The following IRX6 variants were observed in gnomAD, a reference collection of about 807,000 sequenced individuals.
The protein encoded by IRX6 is iroquois-class homeodomain protein IRX-6.
A neutral mutation model predicts 47.7 loss-of-function variants in IRX6; 46 were observed. The observed-to-expected ratio is 0.96, with a 90% CI of 0.76 to 1.23. The LOEUF is 1.23. IRX6 is among the 50% of genes most tolerant of loss of function. IRX6 has a pLI of 0.00. For synonymous variants in IRX6, 265 were observed against 246.2 expected (o/e 1.08, Z -0.72); for missense variants, 722 against 588.0 (o/e 1.23, Z -2.36).
At chr16:55,326,060 G>C (rs1428680243) in intron 1 of IRX6, 4 of 467,654 alleles carry the variant, frequency 8.6e-6, no homozygotes, top group Non-Finnish European at 1.5e-5. Context: ...GTTTCAAAAT[G>C]TTCACATTTT....
rs750550246 is a variant in IRX6 at position 55,329,017 on chromosome 16, G to A, written c.1039G>A (p.Glu347Lys). 1.5e-5 allele frequency: 24 copies of A among 1,613,802 alleles called. No homozygotes were observed. The highest frequency in any genetic ancestry group is 1.9e-5 in the Non-Finnish European group (23 of 1,180,046). ...PRLTMHYPCL[E>K]KPRIWSLAHT... is the part of the protein sequence containing the mutation. ...GTTGACCATGCACTACCCATGCTTG[G>A]AGAAACCGCGCATCTGGTCTCTGGC... The change falls in exon 5 of 6, where the codon GAG (glutamate) becomes AAG (lysine). Residue 347 changes from glutamate (E) to lysine (K), a missense_variant. Transcript: ENST00000290552.
At chr16:55,325,974 C>T (rs1960513864) in intron 1 of IRX6, 1 of 241,602 alleles carries the variant, frequency 4.1e-6, no homozygotes. Context: ...TCTAAGGCCA[C>T]CTTCTAGCTC....
At position 55,330,411 on chromosome 16, in the gene IRX6, A is replaced by C; in HGVS notation, c.*106A>C. 8.9e-7 allele frequency: 1 copy of C among 1,127,178 alleles called. No homozygotes were observed. Among genetic ancestry groups the C allele is most frequent in the South Asian group, 1.2e-5 (1 of 80,418 alleles). 69.8% of individuals were successfully genotyped at this position (1,127,178 alleles called of 1,614,324 possible). A position where few individuals can be genotyped will look rare whatever the true frequency, so the allele number is the denominator to read the frequency against. ...ACCTTGCCAGGGACCAGGAGCTCTC[A>C]CTTTGCCTAAGAGACAGACACACAG... On this transcript the variant is annotated 3_prime_UTR_variant, in exon 6 of 6. Transcript: ENST00000290552.
chr16:55,327,305 T>C lies in IRX6; in HGVS notation c.313T>C (p.Tyr105His), dbSNP rs769126997. ...TTTCCTCTCCCTCTAGAATCCACAG[T>C]ATGAATTTAAGGAGGCTGCAGGGAG... ...PSLYGALNPQ[Y>H]EFKEAAGSFT... Residue 105 changes from tyrosine (Y) to histidine (H), a missense_variant, in exon 3 of 6, where the codon TAT (tyrosine) becomes CAT (histidine). Transcript: ENST00000290552. The C allele has an allele frequency of 6.2e-7, 1 of 1,612,568 alleles. No individual in the cohort carries two copies. Among genetic ancestry groups the C allele is most frequent in the Admixed American group, 1.7e-5 (1 of 60,000 alleles).
chr16:55,326,952 CAGGGGGCGG>C (rs1320105418), intron 2 of IRX6: 1 of 49,278 alleles, frequency 2.0e-5, no homozygotes, highest in African/African-American at 2.1e-4. Context: ...TGTTGTGGGG[CAGGGGGCGG>C]GGGGTGGGGG....
intron 1 of IRX6, chr16:55,326,047 C>T (rs562251396): frequency 1.1e-5 from 5 of 435,414 alleles, no homozygotes; most frequent in African/African-American, 1.0e-4. Context: ...GTCTTTAATT[C>T]CGGTTTCAAA....
intron 4 of IRX6, among the ~76,000 whole-genome samples, chr16:55,328,321 T>C (rs1416419830): frequency 6.6e-6 from 1 of 152,122 alleles, no homozygotes; most frequent in African/African-American, 2.4e-5. Context: ...TCAGTAAATA[T>C]TTGCTGAATT....
At chr16:55,328,005 C>T (rs1191287532) in intron 4 of IRX6, 112 bp downstream of exon 4, 2 of 982,900 alleles carry the variant, frequency 2.0e-6, no homozygotes, top group Non-Finnish European at 3.0e-6. Flanking sequence ...TCAGACTTAC[C>T]CTTGCACTTC....
chr16:55,329,870 C>T (rs1473908229), intron 5 of IRX6, among the ~76,000 whole-genome samples: 2 of 152,216 alleles, frequency 1.3e-5, no homozygotes, highest in Admixed American at 6.5e-5. Flanking sequence ...CATGCCCCTG[C>T]GGTCAGCAGC....
chr16:55,326,691 T>A, intron 2 of IRX6, 98 bp downstream of exon 2: 1 of 1,301,136 alleles, frequency 7.7e-7, no homozygotes, highest in Non-Finnish European at 1.0e-6. Flanking sequence ...GGAAAGGAAA[T>A]GGTTAGGACT....
At chr16:55,326,704 G>A (rs1960534750) in intron 2 of IRX6, 111 bp downstream of exon 2, 2 of 1,176,002 alleles carry the variant, frequency 1.7e-6, no homozygotes, top group Non-Finnish European at 2.3e-6. Flanking sequence ...TTAGGACTGT[G>A]TATAAGGAGG....
chr16:55,329,304 A>T lies in IRX6; in HGVS notation c.1326A>T (p.Gly442=). ...EPVVQCQYPS[G]AEAG ...TAGTGCAGTGCCAGTACCCGTCTGGAGCAGAAGGTAGTGGGCCCCCAGCGG... is the reference window on the plus strand; with the variant it reads ...TAGTGCAGTGCCAGTACCCGTCTGGTGCAGAAGGTAGTGGGCCCCCAGCGG... Residue 442 remains glycine, a synonymous_variant, in exon 5 of 6, where the codon GGA becomes GGT. Transcript: ENST00000290552. 6.3e-7 allele frequency: 1 copy of T among 1,596,682 alleles called. No homozygotes were observed.
At chr16:55,325,227 GT>G in intron 1 of IRX6, 91 bp downstream of exon 1, 1 of 1,297,902 alleles carries the variant, frequency 7.7e-7, no homozygotes, top group South Asian at 1.2e-5. Context: ...CTCCTCTTGT[GT>G]TCTGGGGGAA....
In IRX6 at chr16:55,326,258, A is replaced by G. The variant is rs151114329; in HGVS notation, c.46-78A>G. ...ATCTGATTTTCTCTTCTTTGTTTCTAGCTCCCTTCAGCGGGAGCGGGGGCG... is the reference window on the plus strand; with the variant it reads ...ATCTGATTTTCTCTTCTTTGTTTCTGGCTCCCTTCAGCGGGAGCGGGGGCG... On this transcript the variant is annotated intron_variant, in intron 1 of 5. Coordinates refer to ENST00000290552, the MANE Select transcript of IRX6 (RefSeq NM_024335.3). 2,867 of 1,208,228 alleles carry G rather than the reference A, an allele frequency of 2.4e-3. 46 individuals are homozygous for G. The African/African-American group carries it at 0.041, about 17-fold the overall frequency. The allele number at this position is 1,208,228 out of a possible 1,614,324, so 74.8% of individuals were successfully genotyped here. A position where few individuals can be genotyped will look rare whatever the true frequency, so the allele number is the denominator to read the frequency against.
At chr16:55,326,137 A>AAATGCGT (rs2067217) in intron 1 of IRX6, 199 bp from the exon 2 acceptor site, 444,980 of 594,864 alleles carry the variant, frequency 0.75, 166,929 homozygotes, top group East Asian at 0.84. Flanking sequence ...AGTTTGGTTA[A>AAATGCGT]TTTATAATTC....
rs1567338540 is a variant in IRX6 at position 55,325,535 on chromosome 16, GA to G, written c.45+400del. Among the ~76,000 whole-genome samples, 15 of 55,882 alleles carry G rather than the reference GA, an allele frequency of 2.7e-4. 6 individuals are homozygous for G. The highest frequency in any genetic ancestry group is 1.1e-3 in the East Asian group (1 of 942). 36.7% of individuals were successfully genotyped at this position (55,882 alleles called of 152,430 possible). A position where few individuals can be genotyped will look rare whatever the true frequency, so the allele number is the denominator to read the frequency against. On this transcript the variant is annotated intron_variant, in intron 1 of 5. Transcript: ENST00000290552. Reference sequence around the variant, plus strand: ...GGAAGGAAGGAAGGAAGGAAGGAGAGAGAGAGAGAGAGAGAGAGAGAGAGAG... The same window carrying G: ...GGAAGGAAGGAAGGAAGGAAGGAGAGGAGAGAGAGAGAGAGAGAGAGAGAG...
chr16:55,328,292 C>T (rs1960573007), intron 4 of IRX6, among the ~76,000 whole-genome samples: 1 of 152,180 alleles, frequency 6.6e-6, no homozygotes, highest in Admixed American at 6.5e-5. Context: ...ACACCTAATA[C>T]CTAAATGATG....
chr16:55,328,123 C>G (rs1468145502), intron 4 of IRX6, among the ~76,000 whole-genome samples: 1 of 152,098 alleles, frequency 6.6e-6, no homozygotes, highest in Non-Finnish European at 1.5e-5. Flanking sequence ...TTCTTCCTGC[C>G]TCACCCAAGC....
chr16:55,326,681 G>T, intron 2 of IRX6, 88 bp downstream of exon 2: 1 of 1,374,118 alleles, frequency 7.3e-7, no homozygotes, highest in Non-Finnish European at 9.7e-7. Context: ...CACCTCCCGA[G>T]GAAAGGAAAT....
Sources: gnomAD v4.1 joint callset for allele counts (sites outside exome capture counted in the v4.1 genomes callset) on GRCh38, gnomAD v4.1.1 for gene constraint, MANE v1.5 for transcripts, NCBI Gene and HGNC (gene_info 2026-07-23, HGNC 2026-07-21) for gene names.